FBL: variants seen among roughly 807,000 people sequenced by gnomAD.
FBL encodes rRNA 2'-O-methyltransferase fibrillarin.
A neutral mutation model predicts 42.2 loss-of-function variants in FBL; 10 were observed. The observed-to-expected ratio is 0.24, with a 90% CI of 0.15 to 0.40. FBL has a LOEUF of 0.40. FBL is among the 10% of genes least tolerant of loss of function. The pLI, the probability that FBL is intolerant of heterozygous loss-of-function variation, is 1.00. For synonymous variants in FBL, 165 were observed against 165.4 expected, an observed-to-expected ratio of 1.00 and a Z score of 0.02; for missense variants, 351 against 439.2, an observed-to-expected ratio of 0.80 and a Z score of 1.79.
At chr19:39,834,948 T>C in intron 7 of FBL, 135 bp from the exon 8 acceptor site, 1 of 920,276 alleles carries the variant, frequency 1.1e-6, no homozygotes, top group South Asian at 1.7e-5. Context: ...CCCCCAAAGT[T>C]CATGTGTTGG....
chr19:39,840,304 C>T lies in FBL; in HGVS notation c.307G>A (p.Glu103Lys). 2 of 1,614,114 alleles carry T rather than the reference C, an allele frequency of 1.2e-6. No homozygotes were observed. The highest frequency in any genetic ancestry group is 1.7e-6 in the Non-Finnish European group (2 of 1,179,986). ...HEGVFICRGK[E>K]DALVTKNLVP... Reference sequence around the variant, plus strand: ...AGGTTCTTGGTGACCAGTGCATCTTCCTTTCCTCGACAAATGAAGACACCT... The same window carrying T: ...AGGTTCTTGGTGACCAGTGCATCTTTCTTTCCTCGACAAATGAAGACACCT... The change falls in exon 4 of 9, where the codon GAA becomes AAA. Residue 103 changes from glutamate to lysine, a missense_variant. Coordinates refer to ENST00000221801, the MANE Select transcript of FBL (RefSeq NM_001436.4). This position sits in a 1 kb window ranked among gnomAD's most constrained non-coding sequence, Gnocchi z 4.5.
At chr19:39,842,870 G>C (rs1033746269) in intron 1 of FBL, among the ~76,000 whole-genome samples, 5 of 152,102 alleles carry the variant, frequency 3.3e-5, no homozygotes, top group Admixed American at 3.3e-4. Flanking sequence ...TGACTTCCCT[G>C]ACTTCATTCT....
At chr19:39,836,412 G>T in intron 7 of FBL, 144 bp downstream of exon 7, 1 of 519,084 alleles carries the variant, frequency 1.9e-6, no homozygotes, top group African/African-American at 1.9e-5. Context: ...CTTGACCGCT[G>T]CACTCTCCTG....
chr19:39,835,136 G>A (rs1969011175), intron 7 of FBL, among the ~76,000 whole-genome samples: 1 of 152,238 alleles, frequency 6.6e-6, no homozygotes, highest in African/African-American at 2.4e-5. Context: ...ATGGATGACA[G>A]CAAGAAGGCC....
intron 1 of FBL, 92 bp downstream of exon 1, chr19:39,846,199 C>CA: frequency 6.8e-7 from 1 of 1,479,208 alleles, no homozygotes; most frequent in South Asian, 1.1e-5. Context: ...CCCCTGCCCC[C>CA]AGGCCAAGGC....
rs751023495 is a variant in FBL, at chr19:39,837,738, G to A, written c.655C>T (p.His219Tyr). The A allele has an allele frequency of 5.0e-6, 8 of 1,591,598 alleles. No individual in the cohort carries two copies. Among genetic ancestry groups the A allele is most frequent in the Non-Finnish European group, 6.8e-6 (8 of 1,169,774 alleles). Reference sequence around the variant, plus strand: ...ATGAGCATGCGGTATTTGTGTGGGTGTCGAGCATCCTCGATCACAGGAATG... The same window carrying A: ...ATGAGCATGCGGTATTTGTGTGGGTATCGAGCATCCTCGATCACAGGAATG... ...NIIPVIEDAR[H>Y]PHKYRMLIAM... is the part of the protein sequence containing the mutation. The change falls in exon 6 of 9, where the codon CAC (histidine) becomes TAC (tyrosine). Residue 219 changes from histidine to tyrosine, a missense_variant. Physicochemically the swap from His to Tyr is moderately conservative, Grantham distance 83. Transcript: ENST00000221801.
intron 7 of FBL, among the ~76,000 whole-genome samples, chr19:39,835,558 G>C (rs1969027136): frequency 6.6e-6 from 1 of 152,098 alleles, no homozygotes; most frequent in African/African-American, 2.4e-5. Flanking sequence ...AAATTACCCA[G>C]TCTATAGCAT....
intron 6 of FBL, among the ~76,000 whole-genome samples, chr19:39,837,048 G>A (rs1374560224): frequency 1.3e-5 from 2 of 152,174 alleles, no homozygotes; most frequent in Non-Finnish European, 2.9e-5. Flanking sequence ...AGTGTCCGCA[G>A]GACTGTGAAA....
intron 6 of FBL, among the ~76,000 whole-genome samples, chr19:39,837,393 G>C (rs1969070626): frequency 6.6e-6 from 1 of 152,166 alleles, no homozygotes; most frequent in Admixed American, 6.5e-5. Flanking sequence ...ACCAGACAAT[G>C]ATTAGGACCC....
At chr19:39,842,366 G>A (rs1162911009) in intron 1 of FBL, among the ~76,000 whole-genome samples, 5 of 152,194 alleles carry the variant, frequency 3.3e-5, no homozygotes, top group African/African-American at 9.7e-5. Flanking sequence ...GATTACAGGC[G>A]TGAGCCAGCG....
At chr19:39,839,432 C>A (rs766142551) in intron 4 of FBL, among the ~76,000 whole-genome samples, 2 of 152,206 alleles carry the variant, frequency 1.3e-5, no homozygotes, top group Non-Finnish European at 2.9e-5. Flanking sequence ...GTAAAACCAG[C>A]ACTTGTTCAA....
intron 7 of FBL, among the ~76,000 whole-genome samples, chr19:39,835,648 G>C (rs986814063): frequency 6.6e-6 from 1 of 152,238 alleles, no homozygotes; most frequent in Non-Finnish European, 1.5e-5. Context: ...GTTTTTGGCT[G>C]GGTGCAGTGG....
At chr19:39,837,169 T>C (rs1969065586) in intron 6 of FBL, among the ~76,000 whole-genome samples, 1 of 152,142 alleles carries the variant, frequency 6.6e-6, no homozygotes, top group South Asian at 2.1e-4. Flanking sequence ...GTGTGACTTT[T>C]CAAAAAATGA....
intron 1 of FBL, 50 bp downstream of exon 1, chr19:39,846,241 A>T: frequency 1.2e-6 from 2 of 1,611,406 alleles, no homozygotes; most frequent in Non-Finnish European, 1.7e-6. Context: ...TGGCACCCGG[A>T]TTCCCGCCCG....
chr19:39,839,013 G>C (rs1016538359), intron 5 of FBL, 22 bp downstream of exon 5: 1 of 1,595,710 alleles, frequency 6.3e-7, no homozygotes, highest in East Asian at 2.2e-5. Flanking sequence ...CCTCCTGCCT[G>C]ACTCTCCATC....
chr19:39,837,086 T>C (rs965662517), intron 6 of FBL, among the ~76,000 whole-genome samples: 6 of 152,106 alleles, frequency 3.9e-5, no homozygotes, highest in Admixed American at 3.9e-4. Flanking sequence ...ACAAAGGGGA[T>C]GGTATGAGTG....
At position 39,834,769 on chromosome 19, in the gene FBL, G is replaced by A. The variant is rs753924955; in HGVS notation, c.840C>T (p.Ala280=). ...CCTGTTGCATCTTTTTCACTTCGGAGGCAAACACGGCCTCGGCTGAGGCTG... is the reference window on the plus strand; with the variant it reads ...CCTGTTGCATCTTTTTCACTTCGGAAGCAAACACGGCCTCGGCTGAGGCTG... ...DSTASAEAVF[A]SEVKKMQQEN... Residue 280 remains alanine, a synonymous_variant, in exon 8 of 9, where the codon GCC becomes GCT. Transcript: ENST00000221801. The A allele has an allele frequency of 5.8e-5, 94 of 1,614,066 alleles. No homozygotes were observed. The highest frequency in any genetic ancestry group is 1.6e-4 in the Middle Eastern group (1 of 6,084).
At chr19:39,836,051 T>A (rs1969041196) in intron 7 of FBL, among the ~76,000 whole-genome samples, 1 of 152,206 alleles carries the variant, frequency 6.6e-6, no homozygotes, top group Non-Finnish European at 1.5e-5. Context: ...TTATTTCTAC[T>A]TCCTCTTCTT....
At chr19:39,843,063 A>G (rs1479773879) in intron 1 of FBL, among the ~76,000 whole-genome samples, 1 of 152,148 alleles carries the variant, frequency 6.6e-6, no homozygotes, top group African/African-American at 2.4e-5. Flanking sequence ...TGGCCACAGT[A>G]CCCTTACCCT....
Sources: allele counts gnomAD v4.1 joint callset (sites outside exome capture counted in the v4.1 genomes callset), GRCh38; gene constraint gnomAD v4.1.1; non-coding constraint Gnocchi (gnomAD v3.1); transcripts MANE v1.5; gene names NCBI Gene and HGNC (gene_info 2026-07-23, HGNC 2026-07-21).